EEPD1: variants seen among roughly 807,000 people sequenced by gnomAD.
The protein encoded by EEPD1 is endonuclease/exonuclease/phosphatase family domain-containing protein 1.
Under a neutral mutation model 46.3 loss-of-function variants are expected in EEPD1, and 17 were observed. The ratio of observed to expected loss-of-function variants is 0.37; its 90% CI spans 0.25 to 0.55. The LOEUF (loss-of-function observed/expected upper bound fraction) is 0.55, where lower values mean the gene tolerates loss of function less well. Among genes scored for constraint, EEPD1 ranks in the 20% least tolerant of loss-of-function variants. The pLI is 0.83. For missense variants in EEPD1, 673 were observed against 745.6 expected (o/e 0.90, Z 1.13); for synonymous variants, 313 against 315.6 (o/e 0.99, Z 0.09).
intron 2 of EEPD1, among the ~76,000 whole-genome samples, chr7:36,201,252 A>G (rs1410090564): frequency 6.6e-6 from 1 of 152,206 alleles, no homozygotes; most frequent in Admixed American, 6.5e-5. Flanking sequence ...CCCTGGACCC[A>G]AAAAAGAACA....
chr7:36,232,261 G>C (rs928808954), intron 2 of EEPD1, among the ~76,000 whole-genome samples: 1 of 151,252 alleles, frequency 6.6e-6, no homozygotes, highest in African/African-American at 2.4e-5. Context: ...CTGGAGTTCA[G>C]TGGCACAATC....
chr7:36,165,306 A>G (rs972208206), intron 2 of EEPD1, among the ~76,000 whole-genome samples: 3 of 151,994 alleles, frequency 2.0e-5, no homozygotes, highest in East Asian at 1.9e-4. Flanking sequence ...GTACAATAAC[A>G]TACCATGTAG....
In EEPD1 at chr7:36,154,532, T is replaced by C; in HGVS notation, c.208T>C (p.Tyr70His). The C allele has an allele frequency of 6.2e-7, 1 of 1,613,252 alleles. No individual in the cohort carries two copies. Among genetic ancestry groups the C allele is most frequent in the South Asian group, 1.1e-5 (1 of 91,042 alleles). Residue 70 changes from tyrosine (Y) to histidine (H), a missense_variant, in exon 2 of 8, where the codon TAT (tyrosine) becomes CAT (histidine). Physicochemically the swap from Tyr to His is moderately conservative, Grantham distance 83 (BLOSUM62 2). Transcript: ENST00000242108. The surrounding 1 kb of genome is among the most constrained non-coding windows in gnomAD (Gnocchi z 4.2). ...VARSIVEYRE[Y>H]IGGFKKVEDL... Reference sequence around the variant, plus strand: ...ACGCAGCATCGTGGAGTACCGAGAGTATATCGGTGGCTTCAAGAAGGTGGA... The same window carrying C: ...ACGCAGCATCGTGGAGTACCGAGAGCATATCGGTGGCTTCAAGAAGGTGGA...
Position 36,197,327 on chromosome 7 carries a change from C to T in EEPD1, c.879-41658C>T, listed in dbSNP as rs1439663935. On this transcript the variant is annotated intron_variant, in intron 2 of 7. Coordinates refer to ENST00000242108, the MANE Select transcript of EEPD1 (RefSeq NM_030636.3). The stretch of plus-strand genomic sequence containing the variant: ...CCCCCGCCCGGCCAGCCGCCCAGTC[C>T]AGGAGGTGAGGGGCGCCTCTGCCCG... 1.5e-4 allele frequency among the ~76,000 whole-genome samples: 22 copies of T among 143,428 alleles called. No homozygotes were observed. The East Asian group carries it at 4.5e-3, about 29-fold the overall frequency. 94.1% of individuals were successfully genotyped at this position (143,428 alleles called of 152,430 possible).
intron 7 of EEPD1, 85 bp from the exon 8 acceptor site, chr7:36,298,922 T>G (rs1583484048): frequency 3.4e-6 from 5 of 1,491,570 alleles, no homozygotes; most frequent in Non-Finnish European, 4.6e-6. Flanking sequence ...AGACATGCGG[T>G]GTGACCCTCC....
chr7:36,247,096 C>T (rs1786652569), intron 3 of EEPD1, among the ~76,000 whole-genome samples: 1 of 148,504 alleles, frequency 6.7e-6, no homozygotes, highest in Non-Finnish European at 1.5e-5. Flanking sequence ...GCACTACAGC[C>T]TGGGTGACAG....
chr7:36,281,208 T>G lies in EEPD1; in HGVS notation c.1024T>G (p.Ser342Ala). The G allele has an allele frequency of 6.2e-7, 1 of 1,614,134 alleles. No individual in the cohort carries two copies. The highest frequency in any genetic ancestry group is 8.5e-7 in the Non-Finnish European group (1 of 1,179,988). The change falls in exon 4 of 8, where the codon TCG becomes GCG. Residue 342 changes from serine (S) to alanine (A), a missense_variant. Physicochemically the swap from Ser to Ala is moderately conservative, Grantham distance 99. Coordinates refer to ENST00000242108, the MANE Select transcript of EEPD1 (RefSeq NM_030636.3). ...GAAGGCTGTTGTTGCTGAGAAGCCC[T>G]CGAGTCAGCTCCAGAAGGTACCCTC... ...CWKAVVAEKP[S>A]SQLQKGAGYA...
intron 2 of EEPD1, among the ~76,000 whole-genome samples, chr7:36,187,126 T>G (rs1260354532): frequency 6.6e-6 from 1 of 152,226 alleles, no homozygotes; most frequent in Admixed American, 6.5e-5. Flanking sequence ...ATTTTGCCCT[T>G]GTTACAACTC....
chr7:36,221,186 A>G (rs1165741969), intron 2 of EEPD1, among the ~76,000 whole-genome samples: 1 of 152,258 alleles, frequency 6.6e-6, no homozygotes, highest in Non-Finnish European at 1.5e-5. Context: ...TCAGTTTAAA[A>G]TAACCTAATA....
At chr7:36,248,994 AACACACACACAC>A (rs71553052) in intron 3 of EEPD1, among the ~76,000 whole-genome samples, 14 of 135,422 alleles carry the variant, frequency 1.0e-4, no homozygotes, top group Middle Eastern at 3.7e-3. Context: ...TGGTTCATTA[AACACACACACAC>A]ACACACACAC....
rs1027151273 is a variant in EEPD1 at position 36,205,161 on chromosome 7, A to AGGGG, written c.879-33821_879-33818dup. On this transcript the variant is annotated intron_variant, in intron 2 of 7. Coordinates refer to ENST00000242108, the MANE Select transcript of EEPD1 (RefSeq NM_030636.3). ...TCAGGGAGGTGTGAGATGGACAGGG[A>AGGGG]GGGGGGTCACCAGGATAGAGACAAC... 2.0e-5 allele frequency among the ~76,000 whole-genome samples: 3 copies of AGGGG among 152,210 alleles called. No homozygotes were observed. The South Asian group carries it at 6.2e-4, about 32-fold the overall frequency.
intron 2 of EEPD1, among the ~76,000 whole-genome samples, chr7:36,165,586 AATTT>A (rs57475263): frequency 1.3e-4 from 18 of 134,692 alleles, no homozygotes; most frequent in Middle Eastern, 3.6e-3. Flanking sequence ...CGCCCCAGCT[AATTT>A]ATTTATTTAT....
intron 5 of EEPD1, among the ~76,000 whole-genome samples, chr7:36,286,135 C>G (rs772476196): frequency 3.9e-5 from 6 of 152,164 alleles, no homozygotes; most frequent in African/African-American, 7.2e-5. Context: ...TCCAGTATTA[C>G]CACAACGCAG....
intron 2 of EEPD1, among the ~76,000 whole-genome samples, chr7:36,197,539 A>G (rs966449734): frequency 4.6e-5 from 7 of 152,344 alleles, no homozygotes; most frequent in East Asian, 3.9e-4. Context: ...AGAGGTAGAC[A>G]TGGGAGACTT....
intron 6 of EEPD1, among the ~76,000 whole-genome samples, chr7:36,293,943 G>A (rs1052769774): frequency 1.7e-4 from 25 of 151,108 alleles, no homozygotes; most frequent in African/African-American, 4.1e-4. Flanking sequence ...CAGCCTGGGC[G>A]ACAGAGTGAG....
intron 3 of EEPD1, 70 bp from the exon 4 acceptor site, chr7:36,281,045 T>G: frequency 1.5e-6 from 2 of 1,369,946 alleles, no homozygotes; most frequent in South Asian, 1.2e-5. Context: ...GCCTGGCTTC[T>G]CAGGCCGCCG....
intron 3 of EEPD1, among the ~76,000 whole-genome samples, chr7:36,269,509 C>G (rs905181033): frequency 6.6e-6 from 1 of 151,564 alleles, no homozygotes; most frequent in Non-Finnish European, 1.5e-5. Context: ...AGAGTCATGT[C>G]CTTTCTGATC....
intron 2 of EEPD1, among the ~76,000 whole-genome samples, chr7:36,235,955 C>T (rs1257836598): frequency 3.4e-5 from 5 of 145,380 alleles, no homozygotes; most frequent in South Asian, 2.1e-4. Flanking sequence ...GACAGAGTCT[C>T]GCTCTGTCAC....
At chr7:36,288,778 AAGG>A (rs954549206) in intron 6 of EEPD1, among the ~76,000 whole-genome samples, 5 of 151,964 alleles carry the variant, frequency 3.3e-5, no homozygotes, top group Admixed American at 1.3e-4. Context: ...AAAAAAAAAA[AAGG>A]AGCTGAACTC....
Sources: gnomAD v4.1 joint callset for allele counts (sites outside exome capture counted in the v4.1 genomes callset) on GRCh38, gnomAD v4.1.1 for gene constraint, Gnocchi (gnomAD v3.1) non-coding constraint, MANE v1.5 for transcripts, NCBI Gene and HGNC (gene_info 2026-07-23, HGNC 2026-07-21) for gene names.